The following PITX1 variants were observed in gnomAD, a reference collection of about 807,000 sequenced individuals.
PITX1 encodes paired like homeodomain 1.
A neutral mutation model predicts 24.1 loss-of-function variants in PITX1; 5 were observed. The ratio of observed to expected loss-of-function variants is 0.21; its 90% CI spans 0.11 to 0.44. The LOEUF is 0.44. PITX1 is among the 20% of genes least tolerant of loss of function. The probability of loss-of-function intolerance (pLI) is 0.99; values close to 1 mark genes in which losing one functional copy is unlikely to be tolerated. For synonymous variants in PITX1, 213 were observed against 208.9 expected (o/e 1.02, Z -0.17); for missense variants, 401 against 455.4 (o/e 0.88, Z 1.09).
In PITX1 at chr5:135,031,134, G is replaced by T. The variant is rs544221504; in HGVS notation, c.402+142C>A. ...GCTAGTGGGCCAGGGCCTAAGGTGG[G>T]GATCTCCGGTGGAGGGAGGGAGCAG... is the stretch of plus-strand genomic sequence containing the variant. On this transcript the variant is annotated intron_variant, in intron 2 of 2. Transcript: ENST00000265340. 1.2e-4 allele frequency: 85 copies of T among 697,606 alleles called. 1 individual carries two copies. The Middle Eastern group carries it at 3.0e-3, about 25-fold the overall frequency. 43.2% of individuals were successfully genotyped at this position (697,606 alleles called of 1,614,324 possible). A position where few individuals can be genotyped will look rare whatever the true frequency, so the allele number is the denominator to read the frequency against.
At position 135,029,138 on chromosome 5, in the gene PITX1, T is replaced by C; in HGVS notation, c.586A>G (p.Thr196Ala). 6.2e-7 allele frequency: 1 copy of C among 1,614,212 alleles called. No homozygotes were observed. Among genetic ancestry groups the C allele is most frequent in the Non-Finnish European group, 8.5e-7 (1 of 1,180,032 alleles). ...GAGTTGAAGAAGGTGAAGCTCTTGGTGGAGAGCGGCGCTGGCGCCAGGCTC... is the reference window on the plus strand; with the variant it reads ...GAGTTGAAGAAGGTGAAGCTCTTGGCGGAGAGCGGCGCTGGCGCCAGGCTC... ...AKSLAPAPLS[T>A]KSFTFFNSMS... The change falls in exon 3 of 3, where the codon ACC becomes GCC. Residue 196 changes from threonine to alanine, a missense_variant. Physicochemically the swap from Thr to Ala is moderately conservative, Grantham distance 58. Transcript: ENST00000265340.
intron 1 of PITX1, chr5:135,031,780 T>C: frequency 3.5e-6 from 2 of 568,124 alleles, no homozygotes; most frequent in Non-Finnish European, 6.2e-6. Flanking sequence ...CACCCTTAGC[T>C]CGGCTCAGAT....
At position 135,028,683 on chromosome 5, in the gene PITX1, T is replaced by TGGGGCTTGCGAGCC. The variant is rs1554070522; in HGVS notation, c.*82_*95dup. The stretch of plus-strand genomic sequence containing the variant: ...GTGTGAGGTCCGCGGCGCGGTGAGC[T>TGGGGCTTGCGAGCC]GGGGCTTGCGAGCCGGGGCCCCGCG... On this transcript the variant is annotated 3_prime_UTR_variant, in exon 3 of 3. Coordinates refer to ENST00000265340, the MANE Select transcript of PITX1 (RefSeq NM_002653.5). The TGGGGCTTGCGAGCC allele has an allele frequency of 4.8e-6, 4 of 837,438 alleles. No individual in the cohort carries two copies. The African/African-American group carries it at 7.4e-5, about 15-fold the overall frequency. 51.9% of individuals were successfully genotyped at this position (837,438 alleles called of 1,614,324 possible).
Position 135,029,171 on chromosome 5 carries a change from C to A in PITX1, c.553G>T (p.Ala185Ser). The A allele has an allele frequency of 6.2e-7, 1 of 1,614,216 alleles. No homozygotes were observed. The highest frequency in any genetic ancestry group is 8.5e-7 in the Non-Finnish European group (1 of 1,180,038). Residue 185 changes from alanine to serine, a missense_variant, in exon 3 of 3, where the codon GCC becomes TCC. Ala to Ser is a moderately conservative substitution (Grantham distance 99). Coordinates refer to ENST00000265340, the MANE Select transcript of PITX1 (RefSeq NM_002653.5). ...YAAGYSYNNWAAKSLAPAPLS... is the reference protein window; with the variant it reads ...YAAGYSYNNWSAKSLAPAPLS... ...GGCGCTGGCGCCAGGCTCTTGGCGG[C>A]CCAGTTGTTGTAGGAGTAGCCGGCG...
At chr5:135,034,455 C>A (rs1029517674), upstream of PITX1, 4 of 152,244 alleles carry the variant, frequency 2.6e-5, no homozygotes, top group African/African-American at 9.7e-5. Flanking sequence ...CGCCTCCCCG[C>A]CCCCCGCGGC....
chr5:135,031,566 C>T, intron 1 of PITX1, 58 bp from the exon 2 acceptor site: 1 of 1,397,464 alleles, frequency 7.2e-7, no homozygotes, highest in Non-Finnish European at 9.8e-7. Flanking sequence ...TGCACCCCGT[C>T]CCGGCTCCAC....
intron 1 of PITX1, chr5:135,032,941 GGCTGCGCTGGGCAGCGGATTC>G (rs1368577653): frequency 7.0e-5 from 31 of 444,306 alleles, no homozygotes; most frequent in Non-Finnish European, 1.1e-4. Context: ...GAACCCGGCC[GGCTGCGCTGGGCAGCGGATTC>G]GCTGCCCCAC....
rs1274922912 is a variant in PITX1, at chr5:135,033,190, A to G, written c.169+523T>C. On this transcript the variant is annotated intron_variant, in intron 1 of 2. Transcript: ENST00000265340. The surrounding 1 kb of genome is among the most constrained non-coding windows in gnomAD (Gnocchi z 5.9). ...CGCGCCTGTTGGCCCGCTCGCCCTCACCGTCCTCTGTGTCTCCCTTCTACT... is the reference window on the plus strand; with the variant it reads ...CGCGCCTGTTGGCCCGCTCGCCCTCGCCGTCCTCTGTGTCTCCCTTCTACT... 3.1e-6 allele frequency: 1 copy of G among 318,050 alleles called. No individual in the cohort carries two copies. Among genetic ancestry groups the G allele is most frequent in the East Asian group, 1.1e-4 (1 of 8,876 alleles). 19.7% of individuals were successfully genotyped at this position (318,050 alleles called of 1,614,324 possible).
In PITX1 at chr5:135,029,295, C is replaced by T; in HGVS notation, c.429G>A (p.Lys143=). Residue 143 remains lysine, a synonymous_variant, in exon 3 of 3, where the codon AAG becomes AAA. Coordinates refer to ENST00000265340, the MANE Select transcript of PITX1 (RefSeq NM_002653.5). ...VRVWFKNRRA[K]WRKRERNQQL... Reference sequence around the variant, plus strand: ...GCTGGTTACGCTCGCGCTTACGCCACTTGGCTCGCCGGTTCTTGAACCAGA... The same window carrying T: ...GCTGGTTACGCTCGCGCTTACGCCATTTGGCTCGCCGGTTCTTGAACCAGA... The T allele has an allele frequency of 6.2e-7, 1 of 1,602,202 alleles. No individual in the cohort carries two copies. The highest frequency in any genetic ancestry group is 8.5e-7 in the Non-Finnish European group (1 of 1,173,288).
At position 135,033,850 on chromosome 5, in the gene PITX1, T is replaced by C. The variant is rs942423669; in HGVS notation, c.32A>G (p.Glu11Gly). The stretch of plus-strand genomic sequence containing the variant: ...CGGCCGGAGCCCCTCCGGCAGCCGC[T>C]CCAGGCTCATGCCCCCCTTGAAGGC... MDAFKGGMSL[E>G]RLPEGLRPPP... is the part of the protein sequence containing the mutation. Residue 11 changes from glutamate (E) to glycine (G), a missense_variant, in exon 1 of 3, where the codon GAG (glutamate) becomes GGG (glycine). Physicochemically the swap from Glu to Gly is moderately conservative, Grantham distance 98. This residue lies in a region of PITX1 where 136 missense variants were observed against 133.3 expected (regional missense o/e 1.02). Coordinates refer to ENST00000265340, the MANE Select transcript of PITX1 (RefSeq NM_002653.5). This position sits in a 1 kb window ranked among gnomAD's most constrained non-coding sequence, Gnocchi z 5.9. 1.1e-5 allele frequency: 17 copies of C among 1,502,812 alleles called. No individual in the cohort carries two copies. Among genetic ancestry groups the C allele is most frequent in the Middle Eastern group, 2.4e-4 (1 of 4,200 alleles). The allele number at this position is 1,502,812 out of a possible 1,614,324, so 93.1% of individuals were successfully genotyped here.
In PITX1 at chr5:135,028,645, G is replaced by A. The variant is rs1235187957; in HGVS notation, c.*134C>T. ...CAACCCGGAGTGGGAAGTGGGAGGA[G>A]GGGGCTGCGCAGGTGTGAGGTCCGC... On this transcript the variant is annotated 3_prime_UTR_variant, in exon 3 of 3. Coordinates refer to ENST00000265340, the MANE Select transcript of PITX1 (RefSeq NM_002653.5). 4.3e-6 allele frequency: 2 copies of A among 460,002 alleles called. No homozygotes were observed. The highest frequency in any genetic ancestry group is 4.5e-5 in the East Asian group (1 of 22,276). 28.5% of individuals were successfully genotyped at this position (460,002 alleles called of 1,614,324 possible).
chr5:135,030,442 A>T (rs931716530), intron 2 of PITX1, among the ~76,000 whole-genome samples: 1 of 152,196 alleles, frequency 6.6e-6, no homozygotes, highest in Non-Finnish European at 1.5e-5. Flanking sequence ...GGTTATGGTA[A>T]GGAGTCTGTG....
At chr5:135,031,238 T>A (rs1280751845) in intron 2 of PITX1, 38 bp downstream of exon 2, 1 of 1,558,242 alleles carries the variant, frequency 6.4e-7, no homozygotes, top group East Asian at 2.2e-5. Flanking sequence ...CCGGGAGCCC[T>A]CTGCGCGGGT....
Position 135,028,901 on chromosome 5 carries a change from G to A in PITX1, c.823C>T (p.Arg275Trp). 6.2e-7 allele frequency: 1 copy of A among 1,613,818 alleles called. No homozygotes were observed. Among genetic ancestry groups the A allele is most frequent in the Non-Finnish European group, 8.5e-7 (1 of 1,179,948 alleles). Residue 275 changes from arginine (R) to tryptophan (W), a missense_variant, in exon 3 of 3, where the codon CGG becomes TGG. Arg to Trp is a moderately radical substitution (Grantham distance 101). This residue lies in a region of PITX1 where 217 missense variants were observed against 219.8 expected (regional missense o/e 0.99). Coordinates refer to ENST00000265340, the MANE Select transcript of PITX1 (RefSeq NM_002653.5). ...GCTAGGCTCGAGTTGCACGTGTCCCGGTAGACGCTGTAGGGCGAGGCGGGA... is the reference window on the plus strand; with the variant it reads ...GCTAGGCTCGAGTTGCACGTGTCCCAGTAGACGCTGTAGGGCGAGGCGGGA... Reference protein sequence around the residue: ...GTPASPYSVYRDTCNSSLASL... With the variant: ...GTPASPYSVYWDTCNSSLASL...
At chr5:135,031,114 T>A (rs1320488120) in intron 2 of PITX1, among the ~76,000 whole-genome samples, 162 bp downstream of exon 2, 1 of 151,876 alleles carries the variant, frequency 6.6e-6, no homozygotes, top group African/African-American at 2.4e-5. Context: ...CAGACGCTAG[T>A]GGGCCAGGGC....
At chr5:135,030,845 G>A (rs762540814) in intron 2 of PITX1, among the ~76,000 whole-genome samples, 1 of 152,218 alleles carries the variant, frequency 6.6e-6, no homozygotes, top group Non-Finnish European at 1.5e-5. Context: ...AGGCTTCTCC[G>A]AGGCAGCCAG....
rs550233065 is a variant in PITX1, at chr5:135,031,318, C to G, written c.360G>C (p.Glu120Asp). The stretch of plus-strand genomic sequence containing the variant: ...TGAGGTTGGTCCACACGGCGATCTC[C>G]TCCCTCATGCTCATGTCGGGGTAGC... ...RNRYPDMSMR[E>D]EIAVWTNLTE... The change falls in exon 2 of 3, where the codon GAG becomes GAC. Residue 120 changes from glutamate to aspartate, a missense_variant. Glu to Asp is a conservative substitution (Grantham distance 45). Coordinates refer to ENST00000265340, the MANE Select transcript of PITX1 (RefSeq NM_002653.5). 2 of 1,614,084 alleles carry G rather than the reference C, an allele frequency of 1.2e-6. No homozygotes were observed. The highest frequency in any genetic ancestry group is 2.7e-5 in the African/African-American group (2 of 75,060).
At position 135,028,747 on chromosome 5, in the gene PITX1, C is replaced by T. The variant is rs1433961220; in HGVS notation, c.*32G>A. 4 of 1,489,894 alleles carry T rather than the reference C, an allele frequency of 2.7e-6. No individual in the cohort carries two copies. The highest frequency in any genetic ancestry group is 1.4e-5 in the African/African-American group (1 of 71,332). The allele number at this position is 1,489,894 out of a possible 1,614,324, so 92.3% of individuals were successfully genotyped here. On this transcript the variant is annotated 3_prime_UTR_variant, in exon 3 of 3. Transcript: ENST00000265340. Reference sequence around the variant, plus strand: ...CCCGCGCCCGCGCCCTTCCCCGCTCCGGCCGCCGGCCCGCGTGGTGCGGCG... The same window carrying T: ...CCCGCGCCCGCGCCCTTCCCCGCTCTGGCCGCCGGCCCGCGTGGTGCGGCG...
chr5:135,033,344 C>CCCCT lies in PITX1; in HGVS notation c.169+365_169+368dup, dbSNP rs1213948091. On this transcript the variant is annotated intron_variant, in intron 1 of 2. Transcript: ENST00000265340. This position sits in a 1 kb window ranked among gnomAD's most constrained non-coding sequence, Gnocchi z 5.9. Reference sequence around the variant, plus strand: ...TCTGAGTGCGTTCTCTCGCCCGTCACCCCTCTTCCTTTCTCGGTCTCCTCC... The same window carrying CCCCT: ...TCTGAGTGCGTTCTCTCGCCCGTCACCCCTCCCTCTTCCTTTCTCGGTCTCCTCC... The CCCCT allele has an allele frequency of 2.8e-5, 9 of 317,436 alleles. No homozygotes were observed. Among genetic ancestry groups the CCCCT allele is most frequent in the Non-Finnish European group, 5.4e-5 (9 of 167,712 alleles). The allele number at this position is 317,436 out of a possible 1,614,324, so 19.7% of individuals were successfully genotyped here. A position where few individuals can be genotyped will look rare whatever the true frequency, so the allele number is the denominator to read the frequency against.
Sources: allele counts gnomAD v4.1 joint callset (sites outside exome capture counted in the v4.1 genomes callset), GRCh38; gene constraint gnomAD v4.1.1; regional missense constraint gnomAD v4.1.1; non-coding constraint Gnocchi (gnomAD v3.1); transcripts MANE v1.5; gene names NCBI Gene and HGNC (gene_info 2026-07-23, HGNC 2026-07-21).